Variants in CACNA2D1 observed in about 807,000 individuals in gnomAD.
CACNA2D1 encodes the protein calcium voltage-gated channel auxiliary subunit alpha2delta 1.
Under a neutral mutation model 171.5 loss-of-function variants are expected in CACNA2D1, and 53 were observed. That is an observed-to-expected ratio of 0.31 (90% confidence interval 0.25 to 0.39). The LOEUF (loss-of-function observed/expected upper bound fraction) is 0.39. Ranked by LOEUF, CACNA2D1 falls within the 10% of genes least tolerant of loss-of-function variation. The pLI, the probability that CACNA2D1 is intolerant of heterozygous loss-of-function variation, is 1.00. For synonymous variants in CACNA2D1, 442 were observed against 443.1 expected (o/e 1.00, Z 0.03); for missense variants, 903 against 1,299.8 (o/e 0.69, Z 4.69).
chr7:82,289,102 C>T (rs1267037667), intron 3 of CACNA2D1, among the ~76,000 whole-genome samples: 1 of 151,946 alleles, frequency 6.6e-6, no homozygotes. Flanking sequence ...ATCTATTTGT[C>T]CTTTATAAAA....
intron 1 of CACNA2D1, among the ~76,000 whole-genome samples, chr7:82,428,990 A>C (rs1286558475): frequency 6.6e-6 from 1 of 152,184 alleles, no homozygotes; most frequent in East Asian, 1.9e-4. Context: ...TGTGGGTTTG[A>C]AGATGTGAAA....
intron 3 of CACNA2D1, among the ~76,000 whole-genome samples, chr7:82,327,629 T>C (rs948377215): frequency 2.6e-5 from 4 of 152,196 alleles, no homozygotes; most frequent in African/African-American, 9.6e-5. Flanking sequence ...ACCAAGAAAC[T>C]TCAGATGGAG....
intron 10 of CACNA2D1, among the ~76,000 whole-genome samples, chr7:82,047,918 C>T (rs1804738653): frequency 6.6e-6 from 1 of 152,026 alleles, no homozygotes; most frequent in South Asian, 2.1e-4. Context: ...CTCTATCACG[C>T]AGTATTTGAG....
chr7:82,286,849 T>TC (rs1810845805), intron 3 of CACNA2D1, among the ~76,000 whole-genome samples: 1 of 152,100 alleles, frequency 6.6e-6, no homozygotes, highest in African/African-American at 2.4e-5. Flanking sequence ...TGGAGATTTT[T>TC]CCCCCCATTT....
At chr7:82,149,659 G>T (rs1004732100) in intron 4 of CACNA2D1, among the ~76,000 whole-genome samples, 10 of 151,786 alleles carry the variant, frequency 6.6e-5, no homozygotes, top group Non-Finnish European at 1.3e-4. Context: ...GCTTGGCCGG[G>T]TGCTCACACC....
At chr7:82,109,812 C>T (rs1425351767) in intron 6 of CACNA2D1, among the ~76,000 whole-genome samples, 1 of 152,110 alleles carries the variant, frequency 6.6e-6, no homozygotes, top group Non-Finnish European at 1.5e-5. Flanking sequence ...GCATGCAATC[C>T]TCACTGCACC....
chr7:82,117,300 G>C, intron 5 of CACNA2D1, 127 bp from the exon 6 acceptor site: 1 of 909,060 alleles, frequency 1.1e-6, no homozygotes, highest in Non-Finnish European at 1.7e-6. Flanking sequence ...TTAAAATATA[G>C]TACCTTGATA....
chr7:82,291,479 AT>A (rs1563319656), intron 3 of CACNA2D1, among the ~76,000 whole-genome samples: 2 of 133,830 alleles, frequency 1.5e-5, no homozygotes, highest in African/African-American at 2.7e-5. Flanking sequence ...ATATATAAAA[AT>A]ATATTATATA....
chr7:82,417,401 T>A (rs1828285460), intron 1 of CACNA2D1, among the ~76,000 whole-genome samples: 1 of 152,226 alleles, frequency 6.6e-6, no homozygotes, highest in Non-Finnish European at 1.5e-5. Flanking sequence ...CAGCTTAATT[T>A]AGAAAATAAT....
rs144845301 is a variant in CACNA2D1, at chr7:82,249,598, G to A, written c.295-78989C>T. Among the ~76,000 whole-genome samples the A allele has an allele frequency of 2.2e-3, 342 of 152,290 alleles. 2 individuals carry two copies. The highest frequency in any genetic ancestry group is 8.0e-3 in the African/African-American group (334 of 41,562). On this transcript the variant is annotated intron_variant, in intron 3 of 38. Transcript: ENST00000356860. ...ATTGCTAACCTCATAGTTACAAAAT[G>A]GTTGGAAATAAACCTGAAATCATCC...
intron 4 of CACNA2D1, among the ~76,000 whole-genome samples, chr7:82,138,295 A>C (rs2129081937): frequency 6.6e-6 from 1 of 152,218 alleles, no homozygotes; most frequent in African/African-American, 2.4e-5. Flanking sequence ...AGAGACTGAA[A>C]CCCATGAATT....
chr7:82,114,602 A>C (rs917567939), intron 6 of CACNA2D1, among the ~76,000 whole-genome samples: 2 of 151,926 alleles, frequency 1.3e-5, no homozygotes, highest in East Asian at 3.9e-4. Flanking sequence ...AACAAACAAA[A>C]AAAATTAGCC....
intron 35 of CACNA2D1, among the ~76,000 whole-genome samples, chr7:81,962,226 A>G (rs1221614838): frequency 6.6e-6 from 1 of 151,976 alleles, no homozygotes; most frequent in Non-Finnish European, 1.5e-5. Flanking sequence ...ATGAATTCAA[A>G]TACAAGATGG....
intron 1 of CACNA2D1, among the ~76,000 whole-genome samples, chr7:82,438,137 T>G (rs932230558): frequency 6.6e-6 from 1 of 152,166 alleles, no homozygotes; most frequent in Non-Finnish European, 1.5e-5. Context: ...GTATGCAATA[T>G]CTCATTTAAT....
At chr7:82,443,955 T>TCAGAGGGAGGCGGCTGGGGGTGGG (rs1830702774), upstream of CACNA2D1, among the ~76,000 whole-genome samples, 1 of 142,840 alleles carries the variant, frequency 7.0e-6, no homozygotes, top group Non-Finnish European at 1.5e-5. Flanking sequence ...CTTAGGCAAG[T>TCAGAGGGAGGCGGCTGGGGGTGGG]CAGAGGGAGG....
At chr7:82,101,120 A>C (rs2129035614) in intron 6 of CACNA2D1, among the ~76,000 whole-genome samples, 1 of 152,278 alleles carries the variant, frequency 6.6e-6, no homozygotes, top group South Asian at 2.1e-4. Context: ...ATATTATATA[A>C]GTAGATTAAA....
At chr7:82,220,313 T>A (rs1801608443) in intron 3 of CACNA2D1, among the ~76,000 whole-genome samples, 1 of 152,206 alleles carries the variant, frequency 6.6e-6, no homozygotes, top group Admixed American at 6.5e-5. Context: ...TATATTCAAA[T>A]ATCAATGTAA....
At chr7:81,985,988 TAATAA>T (rs1251797154) in intron 21 of CACNA2D1, among the ~76,000 whole-genome samples, 5 of 152,164 alleles carry the variant, frequency 3.3e-5, no homozygotes, top group Non-Finnish European at 7.4e-5. Flanking sequence ...TAAAATAAAA[TAATAA>T]AACACATCAG....
At chr7:81,962,288 G>C in intron 35 of CACNA2D1, 152 bp downstream of exon 35, 2 of 718,248 alleles carry the variant, frequency 2.8e-6, no homozygotes, top group Admixed American at 2.4e-5. Flanking sequence ...ATTAGGAAAG[G>C]TTGGACAAAA....
Sources: gnomAD v4.1 joint callset for allele counts (sites outside exome capture counted in the v4.1 genomes callset) on GRCh38, gnomAD v4.1.1 for gene constraint, MANE v1.5 for transcripts, NCBI Gene and HGNC (gene_info 2026-07-23, HGNC 2026-07-21) for gene names.